RABGAP1: variants seen among roughly 807,000 people sequenced by gnomAD.
RABGAP1 encodes RAB GTPase activating protein 1.
A neutral mutation model predicts 137.6 loss-of-function variants in RABGAP1; 23 were observed. That is an observed-to-expected ratio of 0.17 (90% confidence interval 0.12 to 0.24). The LOEUF (loss-of-function observed/expected upper bound fraction) is 0.24, where lower values mean the gene tolerates loss of function less well. Ranked by LOEUF, RABGAP1 falls within the 10% of genes least tolerant of loss-of-function variation. The pLI, the probability that RABGAP1 is intolerant of heterozygous loss-of-function variation, is 1.00. For missense variants in RABGAP1, 906 were observed against 1,275.8 expected, an observed-to-expected ratio of 0.71 and a Z score of 4.42; for synonymous variants, 451 against 450.7, an observed-to-expected ratio of 1.00 and a Z score of -0.01.
intron 12 of RABGAP1, among the ~76,000 whole-genome samples, chr9:123,017,667 T>C (rs987055683): frequency 1.3e-5 from 2 of 152,198 alleles, no homozygotes; most frequent in African/African-American, 4.8e-5. Flanking sequence ...ATTTAGAAAA[T>C]AGAAGTCTAT....
At chr9:122,950,810 T>C (rs1198037201) in intron 1 of RABGAP1, among the ~76,000 whole-genome samples, 1 of 152,206 alleles carries the variant, frequency 6.6e-6, no homozygotes, top group Non-Finnish European at 1.5e-5. Context: ...TAGAAAGCTG[T>C]AACCATGTTA....
intron 2 of RABGAP1, among the ~76,000 whole-genome samples, chr9:122,965,470 G>A (rs1835092259): frequency 6.6e-6 from 1 of 152,080 alleles, no homozygotes; most frequent in Non-Finnish European, 1.5e-5. Flanking sequence ...TTCAACCTCC[G>A]CCTCCTGGGT....
chr9:123,033,170 ACTT>A (rs1247744280), intron 13 of RABGAP1, among the ~76,000 whole-genome samples: 2 of 152,304 alleles, frequency 1.3e-5, no homozygotes, highest in African/African-American at 4.8e-5. Flanking sequence ...TCTAGCTAGA[ACTT>A]CTTGTGCAGC....
intron 2 of RABGAP1, among the ~76,000 whole-genome samples, chr9:122,963,841 A>C (rs144292963): frequency 6.6e-6 from 1 of 152,222 alleles, no homozygotes; most frequent in Non-Finnish European, 1.5e-5. Flanking sequence ...TGAAAATACC[A>C]ACAAAATTGA....
chr9:123,098,299 T>C (rs2153922), intron 22 of RABGAP1, among the ~76,000 whole-genome samples: 150,359 of 152,288 alleles, frequency 0.99, 74,255 homozygotes, highest in East Asian at 1. Context: ...TCCCCTCCCC[T>C]GTCACACCAC....
At chr9:122,940,665 A>C (rs1257868982), upstream of RABGAP1, among the ~76,000 whole-genome samples, 3 of 152,212 alleles carry the variant, frequency 2.0e-5, no homozygotes, top group African/African-American at 7.2e-5. Context: ...TTCCTTGCTC[A>C]AGCACCAGTA....
chr9:123,036,498 A>G (rs2032669705), intron 13 of RABGAP1, among the ~76,000 whole-genome samples: 1 of 152,238 alleles, frequency 6.6e-6, no homozygotes, highest in South Asian at 2.1e-4. Context: ...GTGACTATAT[A>G]CAAAAATGTG....
chr9:122,980,082 T>C (rs1055592708), intron 2 of RABGAP1, among the ~76,000 whole-genome samples: 2 of 152,218 alleles, frequency 1.3e-5, no homozygotes, highest in African/African-American at 4.8e-5. Context: ...AAAGTGTAAT[T>C]GGAACATAGC....
intron 13 of RABGAP1, among the ~76,000 whole-genome samples, chr9:123,040,383 C>G (rs1195853229): frequency 6.6e-6 from 1 of 152,130 alleles, no homozygotes; most frequent in Non-Finnish European, 1.5e-5. Flanking sequence ...TATTCAGAAG[C>G]TTGCTTGGTG....
At position 123,094,586 on chromosome 9, in the gene RABGAP1, T is replaced by C. The variant is rs116418613; in HGVS notation, c.2629-3155T>C. On this transcript the variant is annotated intron_variant, in intron 21 of 25. Transcript: ENST00000373647. ...TTAATTCTTATTAAATATTTATATG[T>C]TCATAAGGAATATTTGTCTGGAGTT... is the stretch of plus-strand genomic sequence containing the variant. Among the ~76,000 whole-genome samples the C allele has an allele frequency of 7.9e-3, 1,204 of 152,286 alleles. 15 individuals are homozygous for C. The highest frequency in any genetic ancestry group is 0.028 in the African/African-American group (1,146 of 41,578).
At chr9:123,061,004 A>G (rs527299375) in intron 13 of RABGAP1, among the ~76,000 whole-genome samples, 1 of 152,374 alleles carries the variant, frequency 6.6e-6, no homozygotes, top group Non-Finnish European at 1.5e-5. Context: ...CTCTCTGGTC[A>G]TGCTGACCAT....
chr9:123,028,104 G>A (rs1290237877), intron 13 of RABGAP1, among the ~76,000 whole-genome samples: 1 of 152,184 alleles, frequency 6.6e-6, no homozygotes, highest in Non-Finnish European at 1.5e-5. Context: ...GACAGTTTTT[G>A]ACCCACAAAT....
At chr9:123,076,116 A>G (rs1179561525) in intron 17 of RABGAP1, 129 bp from the exon 18 acceptor site, 8 of 917,240 alleles carry the variant, frequency 8.7e-6, no homozygotes, top group Non-Finnish European at 1.1e-5. Context: ...TTTTCAAGGT[A>G]GTTCTGAGAT....
chr9:122,934,236 C>A, the RABGAP1 span, among the ~76,000 whole-genome samples: 1 of 151,826 alleles, frequency 6.6e-6, no homozygotes, highest in South Asian at 2.1e-4. Flanking sequence ...TGCCACCACA[C>A]CCGGCTAATT....
intron 13 of RABGAP1, among the ~76,000 whole-genome samples, chr9:123,024,528 C>T (rs1182007491): frequency 6.6e-6 from 1 of 152,016 alleles, no homozygotes; most frequent in Admixed American, 6.5e-5. Context: ...CAACCTCCGC[C>T]TCCCGGGTTC....
chr9:123,022,523 C>CAAAAAAAAAAAAAAATAAATAAATAA (rs1554719431), intron 13 of RABGAP1, among the ~76,000 whole-genome samples: 1 of 152,028 alleles, frequency 6.6e-6, no homozygotes, highest in Non-Finnish European at 1.5e-5. Context: ...TCTCCTGCCG[C>CAAAAAAAAAAAAAAATAAATAAATAA]AGCCCCCTGA....
intron 22 of RABGAP1, 24 bp downstream of exon 22, chr9:123,097,869 T>C (rs777663792): frequency 6.3e-7 from 1 of 1,593,280 alleles, no homozygotes; most frequent in Admixed American, 1.8e-5. Context: ...CCCACATTCC[T>C]CTGTCTTGCA....
intron 17 of RABGAP1, among the ~76,000 whole-genome samples, chr9:123,075,875 A>G (rs2034492926): frequency 6.6e-6 from 1 of 152,212 alleles, no homozygotes; most frequent in Non-Finnish European, 1.5e-5. Flanking sequence ...TTATCGACAG[A>G]GTGGTTGCTG....
At chr9:123,046,724 G>T (rs556558037) in intron 13 of RABGAP1, among the ~76,000 whole-genome samples, 16 of 152,338 alleles carry the variant, frequency 1.1e-4, no homozygotes, top group Non-Finnish European at 2.1e-4. Flanking sequence ...GAAGTTTTAA[G>T]TTGAGATATA....
Sources: gnomAD v4.1 joint callset for allele counts (sites outside exome capture counted in the v4.1 genomes callset) on GRCh38, gnomAD v4.1.1 for gene constraint, MANE v1.5 for transcripts, NCBI Gene and HGNC (gene_info 2026-07-23, HGNC 2026-07-21) for gene names.